Variants in RBMS3 observed in about 807,000 individuals in gnomAD.
RBMS3 encodes the protein RNA binding motif single stranded interacting protein 3.
In RBMS3, 27 loss-of-function variants were observed where a neutral mutation model predicts 66.8. The observed-to-expected ratio is 0.40, with a 90% CI of 0.30 to 0.56. RBMS3 has a LOEUF of 0.56. Among genes scored for constraint, RBMS3 ranks in the 20% least tolerant of loss-of-function variants. The pLI is 0.40. For synonymous variants in RBMS3, 188 were observed against 183.0 expected (o/e 1.03, Z -0.22); for missense variants, 513 against 549.5 (o/e 0.93, Z 0.66).
chr3:29,512,802 C>T (rs1210715498), intron 3 of RBMS3, among the ~76,000 whole-genome samples: 1 of 152,200 alleles, frequency 6.6e-6, no homozygotes, highest in Non-Finnish European at 1.5e-5. Context: ...GGCTTCCAAC[C>T]TTGGCATTTA....
intron 13 of RBMS3, among the ~76,000 whole-genome samples, chr3:29,989,107 G>A (rs1383515441): frequency 6.6e-6 from 1 of 152,120 alleles, no homozygotes; most frequent in Admixed American, 6.6e-5. Context: ...ACCTGCACAG[G>A]TTTACAGCTT....
intron 3 of RBMS3, among the ~76,000 whole-genome samples, chr3:29,536,343 T>A (rs2045557387): frequency 6.6e-6 from 1 of 152,204 alleles, no homozygotes; most frequent in Non-Finnish European, 1.5e-5. Flanking sequence ...ATTAATAACA[T>A]GCTAAATCAG....
At chr3:29,814,645 GC>G (rs1158949132) in intron 6 of RBMS3, among the ~76,000 whole-genome samples, 1 of 152,104 alleles carries the variant, frequency 6.6e-6, no homozygotes, top group Non-Finnish European at 1.5e-5. Flanking sequence ...ACTGATTATT[GC>G]CACAATTTCA....
chr3:29,605,892 T>C (rs545158297), intron 4 of RBMS3, among the ~76,000 whole-genome samples: 3 of 151,804 alleles, frequency 2.0e-5, no homozygotes, highest in African/African-American at 7.2e-5. Flanking sequence ...TGGTCAGATA[T>C]AGCAGTTTGA....
intron 2 of RBMS3, among the ~76,000 whole-genome samples, chr3:29,443,718 T>C (rs9882397): frequency 0.42 from 64,231 of 151,886 alleles, 13,811 homozygotes; most frequent in South Asian, 0.47. Flanking sequence ...AGGAGGCTTT[T>C]GTGGAAGTAC....
chr3:29,640,233 A>C (rs544205554), intron 4 of RBMS3, among the ~76,000 whole-genome samples: 3 of 150,694 alleles, frequency 2.0e-5, no homozygotes, highest in Non-Finnish European at 4.4e-5. Context: ...TCATGCAGTA[A>C]ACATTTTATT....
intron 2 of RBMS3, among the ~76,000 whole-genome samples, chr3:29,474,098 G>A (rs1182750447): frequency 6.6e-6 from 1 of 152,266 alleles, no homozygotes; most frequent in South Asian, 2.1e-4. Flanking sequence ...ACCGCGCCCA[G>A]CGCCTCTTCT....
At chr3:29,634,729 G>A (rs915856082) in intron 4 of RBMS3, among the ~76,000 whole-genome samples, 9 of 151,486 alleles carry the variant, frequency 5.9e-5, no homozygotes, top group African/African-American at 2.2e-4. Context: ...CTTATCTCAG[G>A]GTCTGTTTCT....
Position 29,587,211 on chromosome 3 carries a change from A to G in RBMS3, c.399+6A>G. The G allele has an allele frequency of 1.3e-6, 1 of 755,132 alleles. No homozygotes were observed. Among genetic ancestry groups the G allele is most frequent in the Non-Finnish European group, 2.0e-6 (1 of 493,172 alleles). 46.8% of individuals were successfully genotyped at this position (755,132 alleles called of 1,614,324 possible). A position where few individuals can be genotyped will look rare whatever the true frequency, so the allele number is the denominator to read the frequency against. On this transcript the variant is annotated splice_donor_region_variant and intron_variant, in intron 4 of 14. Transcript: ENST00000383767. ...TGCAGGCACAGATGGCTAAGGTAAG[A>G]TTGATGTTTAGGGGTGTTTTTTTTT... is the stretch of plus-strand genomic sequence containing the variant.
At chr3:29,935,959 T>C in intron 10 of RBMS3, 127 bp from the exon 11 acceptor site, 2 of 742,560 alleles carry the variant, frequency 2.7e-6, no homozygotes, top group Non-Finnish European at 4.4e-6. Flanking sequence ...TACAGTTGAA[T>C]TTAGCCTTTT....
In RBMS3 at chr3:29,830,385, T is replaced by C. The variant is rs9830367; in HGVS notation, c.638-38473T>C. On this transcript the variant is annotated intron_variant, in intron 6 of 14. Transcript: ENST00000383767. ...AGGAGACAACCAACAGAATACCGTC[T>C]TCAACTCTTCGTTTGTTCACAAATA... Among the ~76,000 whole-genome samples the C allele has an allele frequency of 2.1e-3, 322 of 152,306 alleles. 3 individuals are homozygous for C. The highest frequency in any genetic ancestry group is 7.4e-3 in the African/African-American group (308 of 41,582).
At chr3:29,723,331 T>C (rs960142200) in intron 4 of RBMS3, among the ~76,000 whole-genome samples, 1 of 152,154 alleles carries the variant, frequency 6.6e-6, no homozygotes, top group African/African-American at 2.4e-5. Flanking sequence ...ATTATTACCA[T>C]TGGGGTGTCA....
intron 4 of RBMS3, among the ~76,000 whole-genome samples, chr3:29,640,858 C>G (rs1303902213): frequency 6.6e-6 from 1 of 151,744 alleles, no homozygotes. Flanking sequence ...CCTGTGTGAC[C>G]CTGGGTAAGT....
At chr3:29,311,347 T>C (rs1012767656) in intron 1 of RBMS3, among the ~76,000 whole-genome samples, 1 of 151,686 alleles carries the variant, frequency 6.6e-6, no homozygotes, top group Admixed American at 6.6e-5. Context: ...ACGGTTTCTG[T>C]ACACTGCTTC....
intron 1 of RBMS3, among the ~76,000 whole-genome samples, chr3:29,371,334 G>A (rs531632801): frequency 6.6e-6 from 1 of 152,316 alleles, no homozygotes; most frequent in Non-Finnish European, 1.5e-5. Context: ...CATTTGATTG[G>A]TTTTGCCAGT....
intron 1 of RBMS3, among the ~76,000 whole-genome samples, chr3:29,303,150 C>T (rs1017774563): frequency 6.6e-6 from 1 of 152,010 alleles, no homozygotes; most frequent in Non-Finnish European, 1.5e-5. Context: ...ACTTTACCTG[C>T]TGTTTATTTG....
chr3:29,469,226 T>G (rs2042639247), intron 2 of RBMS3, among the ~76,000 whole-genome samples: 1 of 152,092 alleles, frequency 6.6e-6, no homozygotes. Context: ...GTATGGGAAA[T>G]ATTAAAGAAT....
At chr3:29,469,825 A>G (rs766017922) in intron 2 of RBMS3, among the ~76,000 whole-genome samples, 4 of 151,188 alleles carry the variant, frequency 2.6e-5, no homozygotes, top group Non-Finnish European at 4.4e-5. Flanking sequence ...GAAAGTTCAC[A>G]ACTAAGCCAT....
intron 1 of RBMS3, among the ~76,000 whole-genome samples, chr3:29,352,583 A>G (rs146792854): frequency 3.9e-5 from 6 of 152,092 alleles, no homozygotes; most frequent in Admixed American, 1.3e-4. Context: ...TATCATTGCT[A>G]TGTGTTGGGA....
Sources: gnomAD v4.1 joint callset for allele counts (sites outside exome capture counted in the v4.1 genomes callset) on GRCh38, gnomAD v4.1.1 for gene constraint, MANE v1.5 for transcripts, NCBI Gene and HGNC (gene_info 2026-07-23, HGNC 2026-07-21) for gene names.